Variants in WWOX observed in about 807,000 individuals in gnomAD.
WWOX encodes the protein WW domain containing oxidoreductase.
In WWOX, 69 loss-of-function variants were observed where a neutral mutation model predicts 46.2. The observed-to-expected ratio is 1.49, with a 90% confidence interval of 1.23 to 1.82. The LOEUF (loss-of-function observed/expected upper bound fraction) is 1.82, where lower values mean the gene tolerates loss of function less well. Among genes scored for constraint, WWOX ranks in the 40% most tolerant of loss-of-function variants. The pLI is 0.00. For missense variants in WWOX, 919 were observed against 542.6 expected (o/e 1.69, Z -6.89); for synonymous variants, 359 against 202.6 (o/e 1.77, Z -6.56).
chr16:78,774,733 T>C (rs375285981), intron 8 of WWOX, among the ~76,000 whole-genome samples: 189 of 151,862 alleles, frequency 1.2e-3, no homozygotes, highest in African/African-American at 4.3e-3. Flanking sequence ...CACACACACA[T>C]ACACACACAT....
chr16:79,004,722 T>G (rs1475936025), intron 8 of WWOX: 9 of 152,230 alleles, frequency 5.9e-5, no homozygotes, highest in Non-Finnish European at 1.2e-4. Context: ...TAAATGTGTT[T>G]TGAAAATACT....
At chr16:78,697,457 G>GT (rs1387698496) in intron 8 of WWOX, among the ~76,000 whole-genome samples, 1 of 152,196 alleles carries the variant, frequency 6.6e-6, no homozygotes, top group Non-Finnish European at 1.5e-5. Context: ...AGTCAGCAGA[G>GT]TAAACAGACA....
intron 8 of WWOX, among the ~76,000 whole-genome samples, chr16:78,766,802 A>T (rs1165992434): frequency 1.3e-5 from 2 of 152,198 alleles, no homozygotes; most frequent in Admixed American, 6.5e-5. Context: ...AATGTACACA[A>T]CTTAGTATTT....
At chr16:78,321,393 C>T (rs572368277) in intron 5 of WWOX, among the ~76,000 whole-genome samples, 5 of 73,006 alleles carry the variant, frequency 6.8e-5, no homozygotes, top group South Asian at 4.2e-4. Flanking sequence ...TATATATATA[C>T]GTATATATAC....
intron 8 of WWOX, among the ~76,000 whole-genome samples, chr16:78,781,006 G>T (rs375852441): frequency 6.6e-6 from 1 of 152,158 alleles, no homozygotes; most frequent in African/African-American, 2.4e-5. Context: ...AAGGAGTGCC[G>T]TGACTCCTCT....
chr16:78,786,010 G>A (rs1389589525), intron 8 of WWOX, among the ~76,000 whole-genome samples: 3 of 152,128 alleles, frequency 2.0e-5, no homozygotes, highest in South Asian at 2.1e-4. Flanking sequence ...GGGTTCAAGC[G>A]ATTCTCATGG....
At chr16:78,764,513 C>T (rs1010259830) in intron 8 of WWOX, among the ~76,000 whole-genome samples, 1 of 145,628 alleles carries the variant, frequency 6.9e-6, no homozygotes, top group Non-Finnish European at 1.5e-5. Context: ...TGTCTAGAAC[C>T]TGTGTTCTCT....
intron 8 of WWOX, among the ~76,000 whole-genome samples, chr16:78,878,710 A>T (rs774267698): frequency 1.3e-5 from 2 of 151,904 alleles, no homozygotes; most frequent in Non-Finnish European, 2.9e-5. Context: ...TTTCCCTGCA[A>T]CACCCAGTAG....
At chr16:78,423,370 A>G (rs1387414309) in intron 6 of WWOX, among the ~76,000 whole-genome samples, 1 of 152,164 alleles carries the variant, frequency 6.6e-6, no homozygotes, top group East Asian at 1.9e-4. Flanking sequence ...ATATATTCTA[A>G]ATGTAATAAT....
intron 8 of WWOX, among the ~76,000 whole-genome samples, chr16:78,712,865 T>C (rs143374590): frequency 1.3e-5 from 2 of 152,154 alleles, no homozygotes; most frequent in African/African-American, 4.8e-5. Context: ...GTTGGCCGAC[T>C]GTGGGTTCAT....
At chr16:79,055,968 A>G (rs1351373031) in intron 8 of WWOX, among the ~76,000 whole-genome samples, 1 of 152,174 alleles carries the variant, frequency 6.6e-6, no homozygotes, top group African/African-American at 2.4e-5. Flanking sequence ...CATTTCAGTA[A>G]TTCTTTCATT....
rs1015061716 is a variant in WWOX, at chr16:79,037,411, C to T, written c.1057-174197C>T. 2.0e-5 allele frequency among the ~76,000 whole-genome samples: 3 copies of T among 151,986 alleles called. No homozygotes were observed. The South Asian group carries it at 6.3e-4, about 32-fold the overall frequency. Reference sequence around the variant, plus strand: ...GGGTGTGTTGGGGGAATGTGATTATCGATGATGCTGTATGCTGGGTACTAG... The same window carrying T: ...GGGTGTGTTGGGGGAATGTGATTATTGATGATGCTGTATGCTGGGTACTAG... On this transcript the variant is annotated intron_variant, in intron 8 of 8. Transcript: ENST00000566780.
chr16:79,034,721 C>G (rs536677806), intron 8 of WWOX, among the ~76,000 whole-genome samples: 1 of 151,862 alleles, frequency 6.6e-6, no homozygotes, highest in Non-Finnish European at 1.5e-5. Flanking sequence ...AACAAAAATA[C>G]TTCTCTGATC....
chr16:78,532,920 C>G (rs1417391005), intron 8 of WWOX, among the ~76,000 whole-genome samples: 3 of 152,126 alleles, frequency 2.0e-5, no homozygotes, highest in Non-Finnish European at 4.4e-5. Context: ...TCTAAGCAGC[C>G]TTAAAGGAAA....
At chr16:78,555,023 C>T (rs972496145) in intron 8 of WWOX, among the ~76,000 whole-genome samples, 4 of 152,102 alleles carry the variant, frequency 2.6e-5, no homozygotes, top group African/African-American at 4.8e-5. Flanking sequence ...ACTTCTGGCT[C>T]CCTTGCCATT....
chr16:79,195,523 G>A (rs995464418), intron 8 of WWOX, among the ~76,000 whole-genome samples: 2 of 152,294 alleles, frequency 1.3e-5, no homozygotes, highest in African/African-American at 4.8e-5. Flanking sequence ...TCCTGGCCCA[G>A]AATGGGGGAT....
intron 4 of WWOX, among the ~76,000 whole-genome samples, chr16:78,147,700 A>ATTTTT (rs1567598463): frequency 1.8e-5 from 2 of 109,980 alleles, no homozygotes; most frequent in African/African-American, 3.3e-5. Flanking sequence ...TTTTTTTAAA[A>ATTTTT]AAAAAAAAGG....
intron 8 of WWOX, among the ~76,000 whole-genome samples, chr16:78,752,853 G>C (rs922832356): frequency 6.6e-6 from 1 of 152,188 alleles, no homozygotes; most frequent in Non-Finnish European, 1.5e-5. Context: ...GGAATTCCAG[G>C]AGTCAGGCTT....
intron 8 of WWOX, among the ~76,000 whole-genome samples, chr16:78,557,356 C>T (rs9931122): frequency 0.028 from 4,312 of 152,276 alleles, 111 homozygotes; most frequent in African/African-American, 0.066. Flanking sequence ...CTCCGCCCCC[C>T]GCACCGGGCT....
Sources: allele counts gnomAD v4.1 joint callset (sites outside exome capture counted in the v4.1 genomes callset), GRCh38; gene constraint gnomAD v4.1.1; transcripts MANE v1.5; gene names NCBI Gene and HGNC (gene_info 2026-07-23, HGNC 2026-07-21).